The following WIZ variants were observed in gnomAD, a reference collection of about 807,000 sequenced individuals.
WIZ encodes the protein WIZ zinc finger.
A neutral mutation model predicts 140.2 loss-of-function variants in WIZ; 25 were observed. The observed-to-expected ratio is 0.18, with a 90% confidence interval of 0.13 to 0.25. The LOEUF (loss-of-function observed/expected upper bound fraction) is 0.25. WIZ is among the 10% of genes least tolerant of loss of function. WIZ has a pLI of 1.00. For synonymous variants in WIZ, 1,125 were observed against 1,154.3 expected (o/e 0.97, Z 0.51); for missense variants, 2,231 against 2,632.6 (o/e 0.85, Z 3.34).
chr19:15,428,400 C>G lies in WIZ; in HGVS notation c.3524G>C (p.Gly1175Ala). 6.5e-7 allele frequency: 1 copy of G among 1,535,584 alleles called. No individual in the cohort carries two copies. The highest frequency in any genetic ancestry group is 8.7e-7 in the Non-Finnish European group (1 of 1,146,776). The change falls in exon 8 of 13, where the codon GGC (glycine) becomes GCC (alanine). Residue 1175 changes from glycine (G) to alanine (A), a missense_variant. Gly to Ala is a moderately conservative substitution (Grantham distance 60). This residue lies in a region of WIZ where 39 missense variants were observed against 74.9 expected (regional missense o/e 0.52). Transcript: ENST00000673675. This position sits in a 1 kb window ranked among gnomAD's most constrained non-coding sequence, Gnocchi z 6.4. ...SHARAHLRHLGVSDPDAKGSP... is the reference protein window; with the variant it reads ...SHARAHLRHLAVSDPDAKGSP... ...TCCCTTGGCGTCCGGATCGCTGACG[C>G]CCAGGTGGCGCAGGTGGGCACGGGC...
At chr19:15,434,482 G>A (rs1363867948) in intron 5 of WIZ, among the ~76,000 whole-genome samples, 2 of 143,730 alleles carry the variant, frequency 1.4e-5, no homozygotes, top group African/African-American at 5.2e-5. Context: ...AGAATGGTGT[G>A]AACCCAGGAG....
intron 12 of WIZ, 43 bp from the exon 13 acceptor site, chr19:15,423,278 G>C (rs1451476409): frequency 1.6e-5 from 26 of 1,603,180 alleles, no homozygotes; most frequent in Non-Finnish European, 2.0e-5. Context: ...GTGCTGTGAG[G>C]AGAGGCGGAA....
chr19:15,426,379 G>A (rs989547214), intron 9 of WIZ, among the ~76,000 whole-genome samples: 1 of 152,176 alleles, frequency 6.6e-6, no homozygotes, highest in Non-Finnish European at 1.5e-5. Context: ...AAGCGAGCAA[G>A]TGACATTACA....
chr19:15,438,591 C>T lies in WIZ; in HGVS notation c.2403G>A (p.Lys801=), dbSNP rs1236426406. Residue 801 remains lysine, a synonymous_variant, in exon 4 of 13, where the codon AAG becomes AAA. Transcript: ENST00000673675. ...AAGCTGCCCTACCTTTTTTCTTCTT[C>T]TTCTGGAAGGAGAACCTGCGCTCAA... ...KAIERRFSFQ[K]KKKKVANFDP... The T allele has an allele frequency of 1.1e-5, 17 of 1,501,082 alleles. No homozygotes were observed. The highest frequency in any genetic ancestry group is 3.4e-4 in the Middle Eastern group (2 of 5,826). 93.0% of individuals were successfully genotyped at this position (1,501,082 alleles called of 1,614,324 possible). A position where few individuals can be genotyped will look rare whatever the true frequency, so the allele number is the denominator to read the frequency against.
At chr19:15,438,017 A>G (rs1320462258) in intron 4 of WIZ, among the ~76,000 whole-genome samples, 4 of 152,116 alleles carry the variant, frequency 2.6e-5, no homozygotes, top group African/African-American at 9.7e-5. Flanking sequence ...ACACACGCAC[A>G]CACACACACT....
At chr19:15,446,681 G>A (rs1169791255) in intron 2 of WIZ, among the ~76,000 whole-genome samples, 1 of 152,130 alleles carries the variant, frequency 6.6e-6, no homozygotes, top group Admixed American at 6.5e-5. Context: ...CTTCCTGCAG[G>A]AACTCCTGGT....
intron 5 of WIZ, 52 bp downstream of exon 5, chr19:15,436,754 C>G (rs1969528041): frequency 6.7e-7 from 1 of 1,485,916 alleles, no homozygotes; most frequent in Non-Finnish European, 8.9e-7. Context: ...CTCCAATGCT[C>G]TGGGCCCCTG....
At chr19:15,436,687 T>C in intron 5 of WIZ, 119 bp downstream of exon 5, 1 of 1,076,736 alleles carries the variant, frequency 9.3e-7, no homozygotes, top group Non-Finnish European at 1.3e-6. Flanking sequence ...ACATACTTTG[T>C]AAAGTGACTC....
chr19:15,427,564 A>T lies in WIZ; in HGVS notation c.3815-31T>A, dbSNP rs751091939. On this transcript the variant is annotated intron_variant, in intron 8 of 12. Transcript: ENST00000673675. The surrounding 1 kb of genome is among the most constrained non-coding windows in gnomAD (Gnocchi z 6.4). ...GCAGGAGGAGAAAGGGGCAGTTAGCATCGTGGAACTGCCAGCATGGTCACC... is the reference window on the plus strand; with the variant it reads ...GCAGGAGGAGAAAGGGGCAGTTAGCTTCGTGGAACTGCCAGCATGGTCACC... 6.3e-7 allele frequency: 1 copy of T among 1,580,208 alleles called. No homozygotes were observed. Among genetic ancestry groups the T allele is most frequent in the African/African-American group, 1.3e-5 (1 of 74,616 alleles).
rs1207008779 is a variant in WIZ at position 15,421,749 on chromosome 19, A to C, written c.*1327T>G. 1.3e-5 allele frequency: 2 copies of C among 152,136 alleles called. No homozygotes were observed. Among genetic ancestry groups the C allele is most frequent in the Non-Finnish European group, 2.9e-5 (2 of 68,056 alleles). The allele number at this position is 152,136 out of a possible 1,614,324, so 9.4% of individuals were successfully genotyped here. A position where few individuals can be genotyped will look rare whatever the true frequency, so the allele number is the denominator to read the frequency against. The stretch of plus-strand genomic sequence containing the variant: ...CCCAAATGCTCCCAACGGGTCCCTG[A>C]CACCCTCGCTGGTAGCTCCTGCCTT... On this transcript the variant is annotated 3_prime_UTR_variant, in exon 13 of 13. Coordinates refer to ENST00000673675, the MANE Select transcript of WIZ (RefSeq NM_001371589.1).
intron 5 of WIZ, chr19:15,432,493 C>T: frequency 1.0e-6 from 1 of 967,056 alleles, no homozygotes; most frequent in Non-Finnish European, 1.2e-6. Context: ...GGGCCCGTCC[C>T]GCGGCGGCGG....
chr19:15,432,364 G>C (rs1037843708), intron 5 of WIZ: 5 of 896,286 alleles, frequency 5.6e-6, no homozygotes, highest in Non-Finnish European at 6.7e-6. Context: ...GAAGGCGTCG[G>C]GGGCGGCGGC....
Position 15,427,567 on chromosome 19 carries a change from G to C in WIZ, c.3815-34C>G. The C allele has an allele frequency of 6.3e-7, 1 of 1,576,322 alleles. No homozygotes were observed. Among genetic ancestry groups the C allele is most frequent in the Non-Finnish European group, 8.6e-7 (1 of 1,160,088 alleles). ...GGAGGAGAAAGGGGCAGTTAGCATCGTGGAACTGCCAGCATGGTCACCTGC... is the reference window on the plus strand; with the variant it reads ...GGAGGAGAAAGGGGCAGTTAGCATCCTGGAACTGCCAGCATGGTCACCTGC... On this transcript the variant is annotated intron_variant, in intron 8 of 12. Transcript: ENST00000673675. The surrounding 1 kb of genome is among the most constrained non-coding windows in gnomAD (Gnocchi z 6.4).
intron 6 of WIZ, among the ~76,000 whole-genome samples, chr19:15,430,564 G>A (rs566247306): frequency 1.3e-5 from 2 of 152,118 alleles, no homozygotes; most frequent in South Asian, 2.1e-4. Flanking sequence ...CTGTCTCCCC[G>A]TTCCCCAACT....
In WIZ at chr19:15,448,370, G is replaced by A; in HGVS notation, c.-60-3C>T. On this transcript the variant is annotated splice_region_variant and splice_polypyrimidine_tract_variant and intron_variant, in intron 1 of 12. Transcript: ENST00000673675. ...CGGCTCAGCGGGGCATTGTGGGCCT[G>A]GGGATAGAGAGAAGGAAGTGCTTAG... The A allele has an allele frequency of 2.5e-6, 4 of 1,587,126 alleles. No individual in the cohort carries two copies. The highest frequency in any genetic ancestry group is 3.4e-6 in the Non-Finnish European group (4 of 1,169,668).
intron 2 of WIZ, among the ~76,000 whole-genome samples, chr19:15,445,284 C>T (rs891754158): frequency 3.3e-5 from 5 of 152,220 alleles, no homozygotes; most frequent in Admixed American, 6.5e-5. Context: ...ATTCTGGAGC[C>T]AGACAGATCC....
At chr19:15,448,815 A>C (rs1351942649) in intron 1 of WIZ, among the ~76,000 whole-genome samples, 1 of 151,820 alleles carries the variant, frequency 6.6e-6, no homozygotes, top group South Asian at 2.1e-4. Context: ...GATCCTATAC[A>C]CCGTCAGGAG....
Position 15,427,647 on chromosome 19 carries a change from G to T in WIZ, c.3815-114C>A. 1 of 1,220,018 alleles carries T rather than the reference G, an allele frequency of 8.2e-7. No homozygotes were observed. The allele number at this position is 1,220,018 out of a possible 1,614,324, so 75.6% of individuals were successfully genotyped here. On this transcript the variant is annotated intron_variant, in intron 8 of 12. Transcript: ENST00000673675. This position sits in a 1 kb window ranked among gnomAD's most constrained non-coding sequence, Gnocchi z 6.4. ...GGCAGCAGCACGCCCACAGGTTAGG[G>T]TGGTGAGGGCAGGTGCAGGTAAGGG...
At chr19:15,426,538 G>A (rs781192110) in intron 9 of WIZ, among the ~76,000 whole-genome samples, 1 of 152,218 alleles carries the variant, frequency 6.6e-6, no homozygotes, top group Non-Finnish European at 1.5e-5. Flanking sequence ...AAGCTAGACT[G>A]TGGAGGAACA....
Sources: allele counts gnomAD v4.1 joint callset (sites outside exome capture counted in the v4.1 genomes callset), GRCh38; gene constraint gnomAD v4.1.1; regional missense constraint gnomAD v4.1.1; non-coding constraint Gnocchi (gnomAD v3.1); transcripts MANE v1.5; gene names NCBI Gene and HGNC (gene_info 2026-07-23, HGNC 2026-07-21).